UBXN11: variants seen among roughly 807,000 people sequenced by gnomAD.
The protein encoded by UBXN11 is UBX domain protein 11.
Under a neutral mutation model 62.8 loss-of-function variants are expected in UBXN11, and 47 were observed. The ratio of observed to expected loss-of-function variants is 0.75; its 90% CI spans 0.59 to 0.95. The LOEUF (loss-of-function observed/expected upper bound fraction) is 0.95, where lower values mean the gene tolerates loss of function less well. UBXN11 is among the 40% of genes least tolerant of loss of function. The pLI is 0.00. For synonymous variants in UBXN11, 294 were observed against 267.0 expected, an observed-to-expected ratio of 1.10 and a Z score of -0.99; for missense variants, 638 against 661.7, an observed-to-expected ratio of 0.96 and a Z score of 0.39.
At chr1:26,313,165 A>G (rs1489884028) in intron 1 of UBXN11, among the ~76,000 whole-genome samples, 2 of 152,052 alleles carry the variant, frequency 1.3e-5, no homozygotes, top group East Asian at 3.9e-4. Context: ...GACGTGTGCT[A>G]TAACTCTCTT....
At chr1:26,315,794 G>A (rs898109526) in intron 1 of UBXN11, among the ~76,000 whole-genome samples, 3 of 152,080 alleles carry the variant, frequency 2.0e-5, no homozygotes, top group Admixed American at 1.3e-4. Flanking sequence ...CGAGTAGCTG[G>A]GATTACAGGC....
chr1:26,316,201 T>G (rs1238307947), intron 1 of UBXN11, among the ~76,000 whole-genome samples: 1 of 145,214 alleles, frequency 6.9e-6, no homozygotes. Context: ...ACTCCTGTGC[T>G]CAAGTTATCT....
intron 10 of UBXN11, 136 bp downstream of exon 10, chr1:26,285,325 ATCC>A (rs1398893408): frequency 6.7e-7 from 1 of 1,499,474 alleles, no homozygotes; most frequent in Non-Finnish European, 8.9e-7. Flanking sequence ...CTTCAGACTT[ATCC>A]TCCTGGAGGG....
intron 8 of UBXN11, among the ~76,000 whole-genome samples, chr1:26,288,025 C>T (rs544450038): frequency 2.0e-5 from 3 of 152,036 alleles, no homozygotes; most frequent in East Asian, 1.9e-4. Context: ...ACCTCAGCCT[C>T]CCAAGTAGCT....
intron 6 of UBXN11, 51 bp from the exon 7 acceptor site, chr1:26,297,046 AG>A (rs767922225): frequency 1.3e-6 from 2 of 1,557,476 alleles, no homozygotes; most frequent in Admixed American, 3.8e-5. Flanking sequence ...AGACACTGCC[AG>A]GTCACCTCTG....
chr1:26,283,012 C>T (rs2073037639), intron 12 of UBXN11, 75 bp from the exon 13 acceptor site: 2 of 1,585,032 alleles, frequency 1.3e-6, no homozygotes, highest in African/African-American at 1.3e-5. Flanking sequence ...TAGAGGGACA[C>T]TTCCTTGACC....
intron 1 of UBXN11, among the ~76,000 whole-genome samples, chr1:26,312,544 G>T (rs1006248160): frequency 6.6e-6 from 1 of 151,430 alleles, no homozygotes; most frequent in Non-Finnish European, 1.5e-5. Context: ...GAACCACCAC[G>T]CCTGGCCCAT....
At chr1:26,291,673 G>A (rs867379529) in intron 8 of UBXN11, among the ~76,000 whole-genome samples, 15 of 152,180 alleles carry the variant, frequency 9.9e-5, no homozygotes, top group African/African-American at 3.1e-4. Context: ...CCCAGGGTGC[G>A]GCACTTGTGG....
intron 10 of UBXN11, chr1:26,284,758 C>A: frequency 8.1e-7 from 1 of 1,236,320 alleles, no homozygotes; most frequent in Non-Finnish European, 1.0e-6. Context: ...ACCGTGAAGG[C>A]AGAGTGTGAG....
rs529239757 is a variant in UBXN11, at chr1:26,284,367, T to A, written c.968A>T (p.His323Leu). Residue 323 changes from histidine (H) to leucine (L), a missense_variant, in exon 11 of 15, where the codon CAC becomes CTC. By Grantham distance (99) the His-to-Leu change is moderately conservative. Transcript: ENST00000374222. ...MHKALDRVEE[H>L]PGSRMTAEKF... ...AGCCTGGAGGCCAAACTCACCTGGGTGCTCCTCCACCCTGTCCAAGGCCTT... is the reference window on the plus strand; with the variant it reads ...AGCCTGGAGGCCAAACTCACCTGGGAGCTCCTCCACCCTGTCCAAGGCCTT... The A allele has an allele frequency of 4.3e-6, 7 of 1,614,034 alleles. No homozygotes were observed. The Middle Eastern group carries it at 9.9e-4, about 228-fold the overall frequency.
At chr1:26,317,063 C>T (rs1191009813) in intron 1 of UBXN11, among the ~76,000 whole-genome samples, 4 of 54,768 alleles carry the variant, frequency 7.3e-5, no homozygotes, top group Non-Finnish European at 1.8e-4. Flanking sequence ...ACCCAGTCTC[C>T]GCTAAAAAAA....
At chr1:26,302,789 A>G (rs1230729473) in intron 2 of UBXN11, 24 bp downstream of exon 2, 3 of 1,606,612 alleles carry the variant, frequency 1.9e-6, no homozygotes, top group Non-Finnish European at 2.6e-6. Flanking sequence ...GGGGACAGAA[A>G]GACCCCTGAG....
At chr1:26,304,517 C>G (rs1443469550) in intron 1 of UBXN11, among the ~76,000 whole-genome samples, 1 of 152,154 alleles carries the variant, frequency 6.6e-6, no homozygotes, top group East Asian at 1.9e-4. Flanking sequence ...CTTTGGGAGG[C>G]CGAGGAGGGT....
At chr1:26,296,286 C>T (rs556360450) in intron 7 of UBXN11, among the ~76,000 whole-genome samples, 1 of 152,352 alleles carries the variant, frequency 6.6e-6, no homozygotes, top group African/African-American at 2.4e-5. Context: ...AATTGCTTAA[C>T]CAATTCAGTG....
In UBXN11 at chr1:26,285,941, G is replaced by A. The variant is rs1224930595; in HGVS notation, c.656C>T (p.Thr219Ile). 3 of 1,613,674 alleles carry A rather than the reference G, an allele frequency of 1.9e-6. No homozygotes were observed. Among genetic ancestry groups the A allele is most frequent in the South Asian group, 1.1e-5 (1 of 91,074 alleles). The change falls in exon 9 of 15, where the codon ACA becomes ATA. Residue 219 changes from threonine to isoleucine, a missense_variant. Thr to Ile is a moderately conservative substitution (Grantham distance 89, BLOSUM62 -1). Coordinates refer to ENST00000374222, the MANE Select transcript of UBXN11 (RefSeq NM_001389556.1). ...CAGCCGTGCCCCGCCGGGCACTGGTGTCACTTGGGTGTCACCCTCTACCAC... is the reference window on the plus strand; with the variant it reads ...CAGCCGTGCCCCGCCGGGCACTGGTATCACTTGGGTGTCACCCTCTACCAC... Reference protein sequence around the residue: ...ELVVEGDTQVTPVPGGARLRT... With the variant: ...ELVVEGDTQVIPVPGGARLRT...
intron 1 of UBXN11, among the ~76,000 whole-genome samples, chr1:26,312,441 AG>A (rs1416433077): frequency 4.0e-5 from 6 of 151,750 alleles, no homozygotes; most frequent in Admixed American, 2.6e-4. Flanking sequence ...CAGTAGAGAC[AG>A]GGTTTCTCCA....
In UBXN11 at chr1:26,285,862, GAAC is replaced by G. The variant is rs771812014; in HGVS notation, c.732_734del (p.Met244_Phe245delinsIle). The G allele has an allele frequency of 6.2e-7, 1 of 1,611,498 alleles. No homozygotes were observed. Among genetic ancestry groups the G allele is most frequent in the Non-Finnish European group, 8.5e-7 (1 of 1,177,866 alleles). On this transcript the variant is annotated inframe_deletion, in exon 9 of 15. Coordinates refer to ENST00000374222, the MANE Select transcript of UBXN11 (RefSeq NM_001389556.1). ...CGTAGAAGGGCTGGAAGGGCCCGTC[GAAC>G]ATCATGATGCCATTCCGGTAGAGCT...
At chr1:26,285,276 T>C in intron 10 of UBXN11, 188 bp downstream of exon 10, 1 of 1,373,860 alleles carries the variant, frequency 7.3e-7, no homozygotes, top group Non-Finnish European at 9.4e-7. Flanking sequence ...CGCTGCCTGC[T>C]GCTCTGTTTC....
intron 7 of UBXN11, 32 bp downstream of exon 7, chr1:26,296,878 ACTGCTGGCT>A: frequency 6.4e-7 from 1 of 1,563,910 alleles, no homozygotes; most frequent in East Asian, 2.3e-5. Flanking sequence ...AGAGCTGGGG[ACTGCTGGCT>A]GCCCGCATCC....
Sources: allele counts gnomAD v4.1 joint callset (sites outside exome capture counted in the v4.1 genomes callset), GRCh38; gene constraint gnomAD v4.1.1; transcripts MANE v1.5; gene names NCBI Gene and HGNC (gene_info 2026-07-23, HGNC 2026-07-21).